Variants in OMD observed in about 807,000 individuals in gnomAD.
OMD encodes osteomodulin, also known as KSPG osteomodulin.
Under a neutral mutation model 31.2 loss-of-function variants are expected in OMD, and 19 were observed. The observed-to-expected ratio is 0.61, with a 90% CI of 0.42 to 0.89. The LOEUF (loss-of-function observed/expected upper bound fraction) is 0.89. OMD is among the 40% of genes least tolerant of loss of function. OMD has a pLI of 0.00. For synonymous variants in OMD, 155 were observed against 166.4 expected, an observed-to-expected ratio of 0.93 and a Z score of 0.53; for missense variants, 448 against 490.8, an observed-to-expected ratio of 0.91 and a Z score of 0.82.
chr9:92,414,405 G>T lies in OMD; in HGVS notation c.*747C>A, dbSNP rs1368236641. ...AGTTAAAATGGAACACAATAACATTGTTTAGGATAGTTGCTGAAATCTGCT... is the reference window on the plus strand; with the variant it reads ...AGTTAAAATGGAACACAATAACATTTTTTAGGATAGTTGCTGAAATCTGCT... On this transcript the variant is annotated 3_prime_UTR_variant, in exon 3 of 3. Transcript: ENST00000375550. 1 of 204,428 alleles carries T rather than the reference G, an allele frequency of 4.9e-6. No homozygotes were observed. Among genetic ancestry groups the T allele is most frequent in the African/African-American group, 2.3e-5 (1 of 43,786 alleles). The allele number at this position is 204,428 out of a possible 1,614,324, so 12.7% of individuals were successfully genotyped here.
chr9:92,420,894 G>A (rs868528522), intron 1 of OMD, among the ~76,000 whole-genome samples: 15 of 152,198 alleles, frequency 9.9e-5, no homozygotes, highest in East Asian at 3.9e-4. Context: ...GGAGTGTTGA[G>A]GTTCTCATAG....
At position 92,417,553 on chromosome 9, in the gene OMD, A is replaced by T; in HGVS notation, c.6T>A (p.Gly2=). Residue 2 remains glycine (G), a synonymous_variant, in exon 2 of 3, where the codon GGT becomes GGA. Transcript: ENST00000375550. ...AAATAACATATATTGGACTTAAAAA[A>T]CCCATCTTCTTTTTTTTTTTCCTAT... M[G]FLSPIYVIFF... The T allele has an allele frequency of 1.3e-6, 2 of 1,556,916 alleles. No individual in the cohort carries two copies. Among genetic ancestry groups the T allele is most frequent in the Non-Finnish European group, 1.7e-6 (2 of 1,156,566 alleles).
At position 92,413,430 on chromosome 9, in the gene OMD, A is replaced by G. The variant is rs1283228104; in HGVS notation, c.*1722T>C. 6.6e-6 allele frequency among the ~76,000 whole-genome samples: 1 copy of G among 152,164 alleles called. No individual in the cohort carries two copies. Among genetic ancestry groups the G allele is most frequent in the East Asian group, 1.9e-4 (1 of 5,194 alleles). ...ATTTGTCTGCCTTTTGATTTCAGCT[A>G]TCCTAGTGAGCACATAGTAATATCT... On this transcript the variant is annotated 3_prime_UTR_variant, in exon 3 of 3. Coordinates refer to ENST00000375550, the MANE Select transcript of OMD (RefSeq NM_005014.3).
At position 92,416,628 on chromosome 9, in the gene OMD, C is replaced by A; in HGVS notation, c.931G>T (p.Glu311Ter). The A allele has an allele frequency of 6.5e-7, 1 of 1,535,692 alleles. No individual in the cohort carries two copies. Among genetic ancestry groups the A allele is most frequent in the Non-Finnish European group, 8.8e-7 (1 of 1,135,270 alleles). ...NLEHLYLQNN[E>*]IEKMNLTVMC... ...ATAAAAGTCTACATACTTTCTATTTCATTATTTTGTAGGTATAGGTGTTCC... is the reference window on the plus strand; with the variant it reads ...ATAAAAGTCTACATACTTTCTATTTAATTATTTTGTAGGTATAGGTGTTCC... Residue 311 changes from glutamate to a stop codon, truncating the protein, a stop_gained, in exon 2 of 3, where the codon GAA becomes TAA. Coordinates refer to ENST00000375550, the MANE Select transcript of OMD (RefSeq NM_005014.3). LOFTEE classifies it high-confidence loss of function.
Position 92,416,694 on chromosome 9 carries a change from G to A in OMD, c.865C>T (p.His289Tyr), listed in dbSNP as rs1843623151. The A allele has an allele frequency of 6.2e-7, 1 of 1,613,210 alleles. No individual in the cohort carries two copies. Among genetic ancestry groups the A allele is most frequent in the East Asian group, 2.2e-5 (1 of 44,802 alleles). Residue 289 changes from histidine to tyrosine, a missense_variant, in exon 2 of 3, where the codon CAC becomes TAC. Physicochemically the swap from His to Tyr is moderately conservative, Grantham distance 83. Transcript: ENST00000375550. ...LPNIVELSVGHNKLKQAFYIP... is the reference protein window; with the variant it reads ...LPNIVELSVGYNKLKQAFYIP... Reference sequence around the variant, plus strand: ...TAGAATGCTTGCTTCAATTTGTTGTGTCCAACACTGAGTTCTACAATGTTG... The same window carrying A: ...TAGAATGCTTGCTTCAATTTGTTGTATCCAACACTGAGTTCTACAATGTTG...
Position 92,417,586 on chromosome 9 carries a change from A to G in OMD, c.-16-12T>C, listed in dbSNP as rs764992959. Reference sequence around the variant, plus strand: ...TCTTTTTTTTTTTCCTATTGCAAGGAGAAAAGGAAACATTGTGGAGAAAGT... The same window carrying G: ...TCTTTTTTTTTTTCCTATTGCAAGGGGAAAAGGAAACATTGTGGAGAAAGT... On this transcript the variant is annotated splice_polypyrimidine_tract_variant and intron_variant, in intron 1 of 2. Transcript: ENST00000375550. 2 of 1,380,260 alleles carry G rather than the reference A, an allele frequency of 1.4e-6. No individual in the cohort carries two copies. The highest frequency in any genetic ancestry group is 2.0e-6 in the Non-Finnish European group (2 of 1,009,506). The allele number at this position is 1,380,260 out of a possible 1,614,324, so 85.5% of individuals were successfully genotyped here.
At position 92,415,028 on chromosome 9, in the gene OMD, A is replaced by G. The variant is rs1448734523; in HGVS notation, c.*124T>C. On this transcript the variant is annotated 3_prime_UTR_variant, in exon 3 of 3. Transcript: ENST00000375550. ...AGATGTCACCAACAACTTAAATTCA[A>G]TTCTGATCTTATACTAATACATAAT... 5 of 702,168 alleles carry G rather than the reference A, an allele frequency of 7.1e-6. No homozygotes were observed. Among genetic ancestry groups the G allele is most frequent in the Non-Finnish European group, 1.1e-5 (5 of 453,778 alleles). The allele number at this position is 702,168 out of a possible 1,614,324, so 43.5% of individuals were successfully genotyped here. A position where few individuals can be genotyped will look rare whatever the true frequency, so the allele number is the denominator to read the frequency against.
chr9:92,415,507 G>C, intron 2 of OMD, 30 bp from the exon 3 acceptor site: 3 of 1,289,810 alleles, frequency 2.3e-6, no homozygotes, highest in Non-Finnish European at 2.1e-6. Flanking sequence ...AATTAATCTT[G>C]TATTATAGTA....
At position 92,416,732 on chromosome 9, in the gene OMD, A is replaced by G. The variant is rs369950897; in HGVS notation, c.827T>C (p.Ile276Thr). ...TTCTACAATGTTGGGAAGATTAAAA[A>G]TATTATATGGGATGTCTTGTAGTTT... Reference protein sequence around the residue: ...HNKLQDIPYNIFNLPNIVELS... With the variant: ...HNKLQDIPYNTFNLPNIVELS... Residue 276 changes from isoleucine (I) to threonine (T), a missense_variant, in exon 2 of 3, where the codon ATT becomes ACT. By Grantham distance (89) the Ile-to-Thr change is moderately conservative. Coordinates refer to ENST00000375550, the MANE Select transcript of OMD (RefSeq NM_005014.3). 19 of 1,613,536 alleles carry G rather than the reference A, an allele frequency of 1.2e-5. No homozygotes were observed. Among genetic ancestry groups the G allele is most frequent in the Admixed American group, 1.7e-5 (1 of 60,002 alleles).
At position 92,416,103 on chromosome 9, in the gene OMD, ATTTTT is replaced by A. The variant is rs1196539814; in HGVS notation, c.940+511_940+515del. On this transcript the variant is annotated intron_variant, in intron 2 of 2. Coordinates refer to ENST00000375550, the MANE Select transcript of OMD (RefSeq NM_005014.3). ...ATTTATTTATTTATTTATTTATTTT[ATTTTT>A]TTTTTTTTTAAGACAGAGTTTTGCT... 3.6e-3 allele frequency among the ~76,000 whole-genome samples: 465 copies of A among 128,482 alleles called. 5 individuals are homozygous for A. Among genetic ancestry groups the A allele is most frequent in the Non-Finnish European group, 6.5e-3 (385 of 59,054 alleles). 84.3% of individuals were successfully genotyped at this position (128,482 alleles called of 152,430 possible). A position where few individuals can be genotyped will look rare whatever the true frequency, so the allele number is the denominator to read the frequency against.
chr9:92,420,260 G>C (rs571222778), intron 1 of OMD, among the ~76,000 whole-genome samples: 1 of 152,296 alleles, frequency 6.6e-6, no homozygotes, highest in South Asian at 2.1e-4. Flanking sequence ...TGATTCTACT[G>C]TTTTTCACTG....
rs763312593 is a variant in OMD, at chr9:92,415,264, T to C, written c.1154A>G (p.Asp385Gly). The C allele has an allele frequency of 6.2e-7, 1 of 1,613,792 alleles. No individual in the cohort carries two copies. Among genetic ancestry groups the C allele is most frequent in the Non-Finnish European group, 8.5e-7 (1 of 1,179,768 alleles). Reference protein sequence around the residue: ...LKTQVFRRFPDDDDESEDHDD... With the variant: ...LKTQVFRRFPGDDDESEDHDD... Reference sequence around the variant, plus strand: ...GTGATCTTCACTTTCATCATCATCATCTGGAAATCTCCTGAAAACTTGTGT... The same window carrying C: ...GTGATCTTCACTTTCATCATCATCACCTGGAAATCTCCTGAAAACTTGTGT... Residue 385 changes from aspartate (D) to glycine (G), a missense_variant, in exon 3 of 3, where the codon GAT (aspartate) becomes GGT (glycine). Transcript: ENST00000375550.
At position 92,415,346 on chromosome 9, in the gene OMD, G is replaced by A. The variant is rs1390215556; in HGVS notation, c.1072C>T (p.His358Tyr). Residue 358 changes from histidine (H) to tyrosine (Y), a missense_variant, in exon 3 of 3, where the codon CAC becomes TAC. Transcript: ENST00000375550. Reference sequence around the variant, plus strand: ...CGTTGTTCACCATAATAAATAGTGTGTATATGAGGGAAGCAGAAGAAGATG... The same window carrying A: ...CGTTGTTCACCATAATAAATAGTGTATATATGAGGGAAGCAGAAGAAGATG... ...SYIFFCFPHI[H>Y]TIYYGEQRST... 3.7e-6 allele frequency: 6 copies of A among 1,613,318 alleles called. No homozygotes were observed. Among genetic ancestry groups the A allele is most frequent in the East Asian group, 2.2e-5 (1 of 44,792 alleles).
At position 92,415,300 on chromosome 9, in the gene OMD, A is replaced by G. The variant is rs759728580; in HGVS notation, c.1118T>C (p.Ile373Thr). The G allele has an allele frequency of 1.6e-5, 26 of 1,613,648 alleles. No homozygotes were observed. Among genetic ancestry groups the G allele is most frequent in the Admixed American group, 3.3e-5 (2 of 59,976 alleles). The change falls in exon 3 of 3, where the codon ATA (isoleucine) becomes ACA (threonine). Residue 373 changes from isoleucine to threonine, a missense_variant. Ile to Thr is a moderately conservative substitution (Grantham distance 89). Transcript: ENST00000375550. ...GEQRSTNGQT[I>T]QLKTQVFRRF... Reference sequence around the variant, plus strand: ...CCTGAAAACTTGTGTCTTTAGTTGTATTGTTTGACCATTAGTGCTTCGTTG... The same window carrying G: ...CCTGAAAACTTGTGTCTTTAGTTGTGTTGTTTGACCATTAGTGCTTCGTTG...
At chr9:92,416,541 G>T in intron 2 of OMD, 78 bp downstream of exon 2, 1 of 932,206 alleles carries the variant, frequency 1.1e-6, no homozygotes, top group Non-Finnish European at 1.6e-6. Flanking sequence ...CTAAAGCATA[G>T]CTTATTGAAT....
At chr9:92,421,791 G>A (rs1209379653) in intron 1 of OMD, among the ~76,000 whole-genome samples, 1 of 152,132 alleles carries the variant, frequency 6.6e-6, no homozygotes, top group Admixed American at 6.6e-5. Flanking sequence ...CAGCTTAGTG[G>A]AGGAGAGAGA....
intron 1 of OMD, among the ~76,000 whole-genome samples, chr9:92,418,075 T>C (rs538222089): frequency 6.6e-6 from 1 of 150,570 alleles, no homozygotes; most frequent in South Asian, 2.1e-4. Flanking sequence ...GTTTTTTTTC[T>C]TTTTTCTTTT....
At position 92,416,646 on chromosome 9, in the gene OMD, G is replaced by C; in HGVS notation, c.913C>G (p.Leu305Val). The change falls in exon 2 of 3, where the codon CTA (leucine) becomes GTA (valine). Residue 305 changes from leucine to valine, a missense_variant. Coordinates refer to ENST00000375550, the MANE Select transcript of OMD (RefSeq NM_005014.3). ...AFYIPRNLEH[L>V]YLQNNEIEKM... ...TCTATTTCATTATTTTGTAGGTATAGGTGTTCCAAATTTCTTGGAATATAG... is the reference window on the plus strand; with the variant it reads ...TCTATTTCATTATTTTGTAGGTATACGTGTTCCAAATTTCTTGGAATATAG... 2 of 1,593,882 alleles carry C rather than the reference G, an allele frequency of 1.3e-6. No homozygotes were observed. Among genetic ancestry groups the C allele is most frequent in the Non-Finnish European group, 1.7e-6 (2 of 1,169,484 alleles).
At chr9:92,419,810 C>T (rs956996191) in intron 1 of OMD, among the ~76,000 whole-genome samples, 1 of 152,250 alleles carries the variant, frequency 6.6e-6, no homozygotes, top group Middle Eastern at 3.4e-3. Flanking sequence ...AGTTTCCAAA[C>T]AAATCATTGC....
Sources: gnomAD v4.1 joint callset for allele counts (sites outside exome capture counted in the v4.1 genomes callset) on GRCh38, gnomAD v4.1.1 for gene constraint, MANE v1.5 for transcripts, NCBI Gene and HGNC (gene_info 2026-07-23, HGNC 2026-07-21) for gene names.